ABCA6: variants seen among roughly 807,000 people sequenced by gnomAD.
ABCA6 encodes the protein ATP binding cassette subfamily A member 6.
ABCA6 carries 164 observed loss-of-function variants against 191.2 expected under a neutral mutation model. The observed-to-expected ratio is 0.86, with a 90% confidence interval of 0.76 to 0.98. The LOEUF (loss-of-function observed/expected upper bound fraction) is 0.98. Among genes scored for constraint, ABCA6 ranks in the 50% least tolerant of loss-of-function variants. The pLI is 0.00. For synonymous variants in ABCA6, 636 were observed against 647.7 expected (o/e 0.98, Z 0.27); for missense variants, 1,958 against 1,894.1 (o/e 1.03, Z -0.63).
chr17:69,137,924 G>A (rs2144726032), intron 2 of ABCA6, among the ~76,000 whole-genome samples: 1 of 152,242 alleles, frequency 6.6e-6, no homozygotes, highest in South Asian at 2.1e-4. Flanking sequence ...GAACTGGCTG[G>A]TGGAGGCTAC....
chr17:69,120,262 AT>A (rs2073616133), intron 10 of ABCA6, among the ~76,000 whole-genome samples: 2 of 152,058 alleles, frequency 1.3e-5, no homozygotes, highest in Admixed American at 1.3e-4. Context: ...CAAAGCAAAT[AT>A]GACAATAATG....
At chr17:69,137,965 A>T (rs1414165502) in intron 2 of ABCA6, among the ~76,000 whole-genome samples, 1 of 152,178 alleles carries the variant, frequency 6.6e-6, no homozygotes, top group East Asian at 1.9e-4. Context: ...GTCAATCATC[A>T]TTACCTCTTT....
chr17:69,139,012 T>G (rs2073989661), intron 2 of ABCA6, among the ~76,000 whole-genome samples: 1 of 152,138 alleles, frequency 6.6e-6, no homozygotes, highest in South Asian at 2.1e-4. Context: ...AACCTAGGCA[T>G]TACCATTCAG....
intron 21 of ABCA6, among the ~76,000 whole-genome samples, chr17:69,102,403 C>A (rs1467925900): frequency 6.6e-6 from 1 of 152,086 alleles, no homozygotes; most frequent in African/African-American, 2.4e-5. Flanking sequence ...ACTCTTTTAC[C>A]CAAATCGACA....
At chr17:69,085,533 A>G in intron 31 of ABCA6, 92 bp downstream of exon 31, 1 of 812,822 alleles carries the variant, frequency 1.2e-6, no homozygotes, top group Non-Finnish European at 1.8e-6. Context: ...AAAAAAAAAA[A>G]AAGAAAAGAA....
At chr17:69,089,151 T>G (rs1409891091) in intron 27 of ABCA6, among the ~76,000 whole-genome samples, 2 of 152,224 alleles carry the variant, frequency 1.3e-5, no homozygotes, top group Non-Finnish European at 2.9e-5. Context: ...GTTCTTGCCT[T>G]TTTAATCTAT....
chr17:69,137,570 A>G, intron 2 of ABCA6, 70 bp from the exon 3 acceptor site: 1 of 1,416,596 alleles, frequency 7.1e-7, no homozygotes, highest in East Asian at 2.4e-5. Context: ...GTTAATACAA[A>G]ATACTGTTGA....
At chr17:69,084,966 C>A in intron 32 of ABCA6, 62 bp downstream of exon 32, 2 of 1,511,062 alleles carry the variant, frequency 1.3e-6, no homozygotes, top group South Asian at 1.4e-5. Flanking sequence ...TTAGTGAATT[C>A]ATCATCAGTG....
At position 69,140,626 on chromosome 17, in the gene ABCA6, C is replaced by A. The variant is rs769457290; in HGVS notation, c.78G>T (p.Met26Ile). 2 of 1,598,418 alleles carry A rather than the reference C, an allele frequency of 1.3e-6. No individual in the cohort carries two copies. Among genetic ancestry groups the A allele is most frequent in the Non-Finnish European group, 1.7e-6 (2 of 1,173,070 alleles). ...LCKNFLKKWR[M>I]KRESLLEWGL... ...AACATACCAATAAGCTCTCTCTTTT[C>A]ATCCTCCATTTCTTAAGAAAATTCT... The change falls in exon 2 of 39, where the codon ATG becomes ATT. Residue 26 changes from methionine (M) to isoleucine (I), a missense_variant. Met to Ile is a conservative substitution (Grantham distance 10). Transcript: ENST00000284425.
At chr17:69,129,122 G>A (rs181379112) in intron 7 of ABCA6, among the ~76,000 whole-genome samples, 14 of 152,230 alleles carry the variant, frequency 9.2e-5, no homozygotes, top group East Asian at 5.8e-4. Context: ...ATGTAAGAAG[G>A]AGCATCTACA....
chr17:69,137,211 T>G (rs2041171), intron 3 of ABCA6, 85 bp downstream of exon 3: 888,620 of 1,298,900 alleles, frequency 0.68, 306,611 homozygotes, highest in African/African-American at 0.85. Flanking sequence ...ATATATGACT[T>G]TAACTTCAAA....
At position 69,086,752 on chromosome 17, in the gene ABCA6, C is replaced by G; in HGVS notation, c.3820-17G>C. On this transcript the variant is annotated splice_polypyrimidine_tract_variant and intron_variant, in intron 29 of 38. Coordinates refer to ENST00000284425, the MANE Select transcript of ABCA6 (RefSeq NM_080284.3). Reference sequence around the variant, plus strand: ...AACAGGTTTCTAGAAGAGATGACAGCATGATTTTCCTCTTAAATTTCAGAG... The same window carrying G: ...AACAGGTTTCTAGAAGAGATGACAGGATGATTTTCCTCTTAAATTTCAGAG... The G allele has an allele frequency of 6.5e-7, 1 of 1,549,324 alleles. No homozygotes were observed. Among genetic ancestry groups the G allele is most frequent in the African/African-American group, 1.4e-5 (1 of 73,028 alleles).
chr17:69,131,015 A>G (rs539543046), intron 6 of ABCA6, among the ~76,000 whole-genome samples: 1 of 152,308 alleles, frequency 6.6e-6, no homozygotes, highest in African/African-American at 2.4e-5. Flanking sequence ...AGAGTATTCA[A>G]TCTTAGATCT....
intron 1 of ABCA6, among the ~76,000 whole-genome samples, chr17:69,141,173 T>C (rs537540477): frequency 2.0e-5 from 3 of 152,234 alleles, no homozygotes; most frequent in Admixed American, 6.6e-5. Context: ...GTCTGAATAA[T>C]AAATTACATC....
chr17:69,116,839 C>T (rs1443770973), intron 11 of ABCA6, among the ~76,000 whole-genome samples: 1 of 152,064 alleles, frequency 6.6e-6, no homozygotes, highest in Non-Finnish European at 1.5e-5. Flanking sequence ...GGTTTGAATT[C>T]ATAATCATAT....
chr17:69,116,499 T>A (rs1450459259), intron 11 of ABCA6, among the ~76,000 whole-genome samples: 3 of 152,114 alleles, frequency 2.0e-5, no homozygotes, highest in Admixed American at 6.6e-5. Flanking sequence ...TATGCTTCCT[T>A]TGAATAATTC....
Position 69,115,381 on chromosome 17 carries a change from G to T in ABCA6, c.1601C>A (p.Thr534Lys). The T allele has an allele frequency of 6.2e-7, 1 of 1,605,738 alleles. No individual in the cohort carries two copies. The highest frequency in any genetic ancestry group is 1.1e-5 in the South Asian group (1 of 89,112). ...AGAAATTTCTTTTTACTCACCTTCT[G>T]TTGGAACAGACAATCCATTAAGAAT... ...LNILNGLSVP[T>K]EGSVTIYNKN... is the part of the protein sequence containing the mutation. Residue 534 changes from threonine (T) to lysine (K), a missense_variant, in exon 12 of 39, where the codon ACA (threonine) becomes AAA (lysine). Thr to Lys is a moderately conservative substitution (Grantham distance 78). Coordinates refer to ENST00000284425, the MANE Select transcript of ABCA6 (RefSeq NM_080284.3).
At position 69,128,633 on chromosome 17, in the gene ABCA6, T is replaced by C. The variant is rs1041117257; in HGVS notation, c.1105A>G (p.Thr369Ala). 5.0e-6 allele frequency: 8 copies of C among 1,611,374 alleles called. No homozygotes were observed. Among genetic ancestry groups the C allele is most frequent in the African/African-American group, 1.3e-5 (1 of 74,778 alleles). ...TAGGCTCTTACCTGAATCATTCCAG[T>C]AGTAAAGGCAAAAGGGCTACAAATA... ...LNICSPFAFT[T>A]GMIQIIKLDY... The change falls in exon 8 of 39, where the codon ACT (threonine) becomes GCT (alanine). Residue 369 changes from threonine (T) to alanine (A), a missense_variant. Thr to Ala is a moderately conservative substitution (Grantham distance 58). Coordinates refer to ENST00000284425, the MANE Select transcript of ABCA6 (RefSeq NM_080284.3).
chr17:69,086,604 G>T lies in ABCA6; in HGVS notation c.3937+14C>A. Reference sequence around the variant, plus strand: ...TAAAAGTAATGGTAAGTTTTAAAAGGGATTATTACAGACCTTCTTGAACAC... The same window carrying T: ...TAAAAGTAATGGTAAGTTTTAAAAGTGATTATTACAGACCTTCTTGAACAC... On this transcript the variant is annotated intron_variant, in intron 30 of 38. Coordinates refer to ENST00000284425, the MANE Select transcript of ABCA6 (RefSeq NM_080284.3). 1 of 1,570,672 alleles carries T rather than the reference G, an allele frequency of 6.4e-7. No individual in the cohort carries two copies. The highest frequency in any genetic ancestry group is 1.1e-5 in the South Asian group (1 of 89,670).
Sources: allele counts gnomAD v4.1 joint callset (sites outside exome capture counted in the v4.1 genomes callset), GRCh38; gene constraint gnomAD v4.1.1; transcripts MANE v1.5; gene names NCBI Gene and HGNC (gene_info 2026-07-23, HGNC 2026-07-21).